The following ARHGAP26 variants were observed in gnomAD, a reference collection of about 807,000 sequenced individuals.
The protein encoded by ARHGAP26 is rho GTPase-activating protein 26.
Under a neutral mutation model 104.8 loss-of-function variants are expected in ARHGAP26, and 38 were observed. The ratio of observed to expected loss-of-function variants is 0.36; its 90% CI spans 0.28 to 0.48. The LOEUF (loss-of-function observed/expected upper bound fraction) is 0.48. Ranked by LOEUF, ARHGAP26 falls within the 20% of genes least tolerant of loss-of-function variation. The pLI, the probability that ARHGAP26 is intolerant of heterozygous loss-of-function variation, is 0.99. For synonymous variants in ARHGAP26, 341 were observed against 340.0 expected (o/e 1.00, Z -0.03); for missense variants, 704 against 947.9 (o/e 0.74, Z 3.38).
intron 10 of ARHGAP26, among the ~76,000 whole-genome samples, chr5:142,914,570 T>C (rs1423044373): frequency 6.6e-6 from 1 of 151,762 alleles, no homozygotes; most frequent in East Asian, 1.9e-4. Context: ...GCTGTTACTC[T>C]TTTTTGCTAA....
chr5:142,919,061 G>C (rs1162913950), intron 10 of ARHGAP26: 2 of 396,230 alleles, frequency 5.0e-6, no homozygotes, highest in Non-Finnish European at 8.9e-6. Context: ...AGATTAAATT[G>C]TGTCCCTGCC....
chr5:142,932,653 T>A (rs539056722), intron 11 of ARHGAP26, among the ~76,000 whole-genome samples: 1 of 152,220 alleles, frequency 6.6e-6, no homozygotes, highest in Admixed American at 6.5e-5. Context: ...TTGCAGAAAT[T>A]GTAAGAGTAC....
chr5:143,014,339 A>C, intron 12 of ARHGAP26: 1 of 592,492 alleles, frequency 1.7e-6, no homozygotes, highest in Non-Finnish European at 3.0e-6. Context: ...GACACCTTGC[A>C]TTGAAATAAT....
intron 3 of ARHGAP26, 90 bp downstream of exon 3, chr5:142,875,261 C>T (rs1755921215): frequency 8.0e-7 from 1 of 1,257,474 alleles, no homozygotes; most frequent in Non-Finnish European, 1.2e-6. Flanking sequence ...GATTCAAATC[C>T]AGACTCTGCC....
Position 143,224,373 on chromosome 5 carries a change from C to T in ARHGAP26, c.*1927C>T, listed in dbSNP as rs1297548216. ...GTGGGCACGACACATCAGTGGTGTT[C>T]AGTCTTTATGTGTTTTTAAGCATCC... is the stretch of plus-strand genomic sequence containing the variant. On this transcript the variant is annotated 3_prime_UTR_variant, in exon 23 of 23. Transcript: ENST00000645722. 4.3e-6 allele frequency: 1 copy of T among 230,120 alleles called. No individual in the cohort carries two copies. Among genetic ancestry groups the T allele is most frequent in the Non-Finnish European group, 8.6e-6 (1 of 116,098 alleles). The allele number at this position is 230,120 out of a possible 1,614,324, so 14.3% of individuals were successfully genotyped here.
At chr5:142,918,527 T>C (rs192506060) in intron 10 of ARHGAP26, among the ~76,000 whole-genome samples, 10 of 152,350 alleles carry the variant, frequency 6.6e-5, no homozygotes, top group Non-Finnish European at 1.3e-4. Flanking sequence ...ACCTTTGATA[T>C]CTAAAAAGTA....
intron 17 of ARHGAP26, among the ~76,000 whole-genome samples, chr5:143,092,762 T>C (rs776772569): frequency 6.6e-6 from 1 of 152,238 alleles, no homozygotes; most frequent in Non-Finnish European, 1.5e-5. Flanking sequence ...GTTCAGTCCA[T>C]ATTAACTTAG....
intron 17 of ARHGAP26, among the ~76,000 whole-genome samples, chr5:143,059,479 C>A (rs1275465555): frequency 6.6e-6 from 1 of 152,156 alleles, no homozygotes; most frequent in African/African-American, 2.4e-5. Flanking sequence ...AAAACAAAAC[C>A]AAACCCTTAA....
chr5:142,945,181 T>TACC (rs1364137676), intron 11 of ARHGAP26, among the ~76,000 whole-genome samples: 1 of 152,202 alleles, frequency 6.6e-6, no homozygotes. Context: ...CCACAGGAGC[T>TACC]ACCATGTCTA....
chr5:143,128,517 T>C (rs907118273), intron 18 of ARHGAP26, among the ~76,000 whole-genome samples: 1 of 152,190 alleles, frequency 6.6e-6, no homozygotes, highest in African/African-American at 2.4e-5. Context: ...CTTCCAACTG[T>C]CCTTAAAAAA....
intron 12 of ARHGAP26, among the ~76,000 whole-genome samples, chr5:143,034,101 A>G (rs1337964001): frequency 6.6e-6 from 1 of 152,174 alleles, no homozygotes; most frequent in Non-Finnish European, 1.5e-5. Context: ...ACAATAACAA[A>G]TGTTGGCAAG....
At chr5:143,166,414 T>A (rs1801949120) in intron 20 of ARHGAP26, among the ~76,000 whole-genome samples, 1 of 152,144 alleles carries the variant, frequency 6.6e-6, no homozygotes, top group African/African-American at 2.4e-5. Flanking sequence ...AGGACCAGAA[T>A]GGAGTGGAGT....
chr5:143,112,345 A>AGGTGGG (rs1794879847), intron 17 of ARHGAP26, among the ~76,000 whole-genome samples: 1 of 152,184 alleles, frequency 6.6e-6, no homozygotes. Context: ...AGGCCCAAAG[A>AGGTGGG]AAATTTTAGC....
intron 11 of ARHGAP26, among the ~76,000 whole-genome samples, chr5:142,994,303 A>G (rs1350711372): frequency 2.0e-5 from 3 of 152,234 alleles, no homozygotes; most frequent in Non-Finnish European, 4.4e-5. Context: ...CTTAGAAATC[A>G]TGGGACAGAT....
chr5:143,039,242 C>T (rs1340765427), intron 13 of ARHGAP26, among the ~76,000 whole-genome samples: 1 of 151,868 alleles, frequency 6.6e-6, no homozygotes, highest in Non-Finnish European at 1.5e-5. Context: ...GAGTCTTGCT[C>T]TGTTGCTTAG....
At chr5:143,204,090 G>C (rs1808195769) in intron 20 of ARHGAP26, among the ~76,000 whole-genome samples, 1 of 151,202 alleles carries the variant, frequency 6.6e-6, no homozygotes, top group Non-Finnish European at 1.5e-5. Flanking sequence ...AATCACAGAA[G>C]TACTATGGAG....
intron 12 of ARHGAP26, among the ~76,000 whole-genome samples, chr5:143,021,594 G>C (rs771490321): frequency 2.6e-5 from 4 of 152,114 alleles, no homozygotes; most frequent in Non-Finnish European, 4.4e-5. Flanking sequence ...TAGCATCCTG[G>C]GTGTAGAACT....
intron 11 of ARHGAP26, 30 bp from the exon 12 acceptor site, chr5:143,014,050 C>T: frequency 4.3e-6 from 7 of 1,612,548 alleles, no homozygotes; most frequent in African/African-American, 1.3e-5. Context: ...ATAAAATGCA[C>T]ATAAGTGAAT....
At chr5:142,910,454 C>A (rs974132834) in intron 9 of ARHGAP26, among the ~76,000 whole-genome samples, 1 of 152,082 alleles carries the variant, frequency 6.6e-6, no homozygotes, top group Non-Finnish European at 1.5e-5. Context: ...AAATAGAGAC[C>A]GAGGCCGGAT....
Sources: allele counts gnomAD v4.1 joint callset (sites outside exome capture counted in the v4.1 genomes callset), GRCh38; gene constraint gnomAD v4.1.1; transcripts MANE v1.5; gene names NCBI Gene and HGNC (gene_info 2026-07-23, HGNC 2026-07-21).